Variants in ATXN1 observed in about 807,000 individuals in gnomAD.
ATXN1 encodes the protein ataxin 1.
ATXN1 carries 8 observed loss-of-function variants against 56.4 expected under a neutral mutation model. That is an observed-to-expected ratio of 0.14 (90% CI 0.08 to 0.26). ATXN1 has a LOEUF of 0.26. Among genes scored for constraint, ATXN1 ranks in the 10% least tolerant of loss-of-function variants. ATXN1 has a pLI of 1.00. For synonymous variants in ATXN1, 514 were observed against 494.6 expected, an observed-to-expected ratio of 1.04 and a Z score of -0.52; for missense variants, 987 against 1,106.5, an observed-to-expected ratio of 0.89 and a Z score of 1.53.
At chr6:16,602,466 T>G (rs1364058511) in intron 3 of ATXN1, among the ~76,000 whole-genome samples, 1 of 152,084 alleles carries the variant, frequency 6.6e-6, no homozygotes, top group Non-Finnish European at 1.5e-5. Flanking sequence ...TTTTTTTTTT[T>G]TTTTAGATGG....
intron 6 of ATXN1, among the ~76,000 whole-genome samples, chr6:16,462,257 C>G (rs1316029915): frequency 6.6e-6 from 1 of 152,026 alleles, no homozygotes; most frequent in Admixed American, 6.6e-5. Flanking sequence ...TCACTACATG[C>G]GAGTTAAACT....
At chr6:16,350,668 T>A (rs1337596006) in intron 6 of ATXN1, among the ~76,000 whole-genome samples, 1 of 152,248 alleles carries the variant, frequency 6.6e-6, no homozygotes, top group Non-Finnish European at 1.5e-5. Flanking sequence ...GGTCTGCCCT[T>A]TGCCCTTGGC....
rs146042983 is a variant in ATXN1, at chr6:16,599,268, C to T, written c.-488-13361G>A. 2.6e-3 allele frequency among the ~76,000 whole-genome samples: 392 copies of T among 152,302 alleles called. 2 individuals carry two copies. The highest frequency in any genetic ancestry group is 9.0e-3 in the African/African-American group (372 of 41,562). On this transcript the variant is annotated intron_variant, in intron 3 of 7. Transcript: ENST00000436367. ...AAATGTCACCACTCACTCAGGTGAA[C>T]AGGCCACAGAGGACTAAAAGTGCTG... is the stretch of plus-strand genomic sequence containing the variant.
chr6:16,382,231 C>T (rs1379062654), intron 6 of ATXN1, among the ~76,000 whole-genome samples: 4 of 151,210 alleles, frequency 2.6e-5, no homozygotes, highest in Admixed American at 6.6e-5. Flanking sequence ...ACCTGGGAGG[C>T]GGAGCTTGCA....
chr6:16,733,422 G>C (rs994718801), intron 2 of ATXN1, among the ~76,000 whole-genome samples: 1 of 152,260 alleles, frequency 6.6e-6, no homozygotes, highest in Admixed American at 6.5e-5. Flanking sequence ...AATTAGTTGG[G>C]TGTGGTGGTG....
At chr6:16,557,071 T>C (rs1177004038) in intron 4 of ATXN1, among the ~76,000 whole-genome samples, 1 of 152,118 alleles carries the variant, frequency 6.6e-6, no homozygotes, top group East Asian at 1.9e-4. Flanking sequence ...GGCCTATTAT[T>C]CCAGCACTTT....
chr6:16,631,672 TC>T (rs1763505685), intron 3 of ATXN1, among the ~76,000 whole-genome samples: 1 of 152,170 alleles, frequency 6.6e-6, no homozygotes, highest in African/African-American at 2.4e-5. Flanking sequence ...CTTCTTTAGT[TC>T]TAATTATTAA....
chr6:16,747,929 C>A (rs1272937568), intron 2 of ATXN1, among the ~76,000 whole-genome samples: 2 of 152,152 alleles, frequency 1.3e-5, no homozygotes, highest in African/African-American at 4.8e-5. Flanking sequence ...TTAGAGCTTG[C>A]GTTCAGCGCC....
At position 16,731,460 on chromosome 6, in the gene ATXN1, T is replaced by C. The variant is rs929729123; in HGVS notation, c.-615+21773A>G. Among the ~76,000 whole-genome samples, 203 of 97,166 alleles carry C rather than the reference T, an allele frequency of 2.1e-3. 1 individual carries two copies. The highest frequency in any genetic ancestry group is 2.7e-3 in the Non-Finnish European group (145 of 53,574). The allele number at this position is 97,166 out of a possible 152,430, so 63.7% of individuals were successfully genotyped here. A position where few individuals can be genotyped will look rare whatever the true frequency, so the allele number is the denominator to read the frequency against. ...GAGGCTTTTTTTTTCTTTTCTTTTT[T>C]TTTTTTTTTTTTTTTTTTTTTTTAA... On this transcript the variant is annotated intron_variant, in intron 2 of 7. Coordinates refer to ENST00000436367, the MANE Select transcript of ATXN1 (RefSeq NM_001128164.2).
chr6:16,650,747 C>T (rs964914863), intron 3 of ATXN1, among the ~76,000 whole-genome samples: 8 of 152,166 alleles, frequency 5.3e-5, no homozygotes, highest in Non-Finnish European at 1.0e-4. Context: ...CGTTCAAACC[C>T]TGTTCAAATA....
chr6:16,718,708 T>A (rs1759687080), intron 2 of ATXN1, among the ~76,000 whole-genome samples: 1 of 152,234 alleles, frequency 6.6e-6, no homozygotes, highest in Admixed American at 6.5e-5. Context: ...ACACTGTGAT[T>A]TTAGTGAGAA....
At chr6:16,645,595 C>G (rs1763787001) in intron 3 of ATXN1, among the ~76,000 whole-genome samples, 2 of 152,118 alleles carry the variant, frequency 1.3e-5, no homozygotes. Context: ...GATTGAATCC[C>G]AGCTTTACCA....
At chr6:16,440,802 T>C (rs1709172) in intron 6 of ATXN1, among the ~76,000 whole-genome samples, 103,257 of 151,836 alleles carry the variant, frequency 0.68, 35,931 homozygotes, top group African/African-American at 0.82. Flanking sequence ...AACAGAGAAA[T>C]TGGAATTACA....
rs1164479505 is a variant in ATXN1 at position 16,486,050 on chromosome 6, C to T, written c.-239G>A. 1 of 152,162 alleles carries T rather than the reference C, an allele frequency of 6.6e-6. No homozygotes were observed. The highest frequency in any genetic ancestry group is 1.5e-5 in the Non-Finnish European group (1 of 68,040). The allele number at this position is 152,162 out of a possible 1,614,324, so 9.4% of individuals were successfully genotyped here. A position where few individuals can be genotyped will look rare whatever the true frequency, so the allele number is the denominator to read the frequency against. ...GACTTCCCACAGGCTCTGGAGGGCT[C>T]CTGAGGGCTCTTGGGCTCAGGCGTG... On this transcript the variant is annotated 5_prime_UTR_variant, in exon 6 of 8. Transcript: ENST00000436367.
chr6:16,305,717 T>C lies in ATXN1; in HGVS notation c.*612A>G, dbSNP rs1452838709. 1 of 152,800 alleles carries C rather than the reference T, an allele frequency of 6.5e-6. No homozygotes were observed. The highest frequency in any genetic ancestry group is 2.4e-5 in the African/African-American group (1 of 41,470). 9.5% of individuals were successfully genotyped at this position (152,800 alleles called of 1,614,324 possible). On this transcript the variant is annotated 3_prime_UTR_variant, in exon 8 of 8. Coordinates refer to ENST00000436367, the MANE Select transcript of ATXN1 (RefSeq NM_001128164.2). Reference sequence around the variant, plus strand: ...AAAGTTGCTTTTATTGTAAAATATGTTGGAGAGAAAAATGTTCTTTTAAAT... The same window carrying C: ...AAAGTTGCTTTTATTGTAAAATATGCTGGAGAGAAAAATGTTCTTTTAAAT...
At chr6:16,453,306 A>G (rs1212131102) in intron 6 of ATXN1, among the ~76,000 whole-genome samples, 4 of 152,012 alleles carry the variant, frequency 2.6e-5, no homozygotes, top group Non-Finnish European at 5.9e-5. Flanking sequence ...TAAAAATACA[A>G]AAAAATTAGC....
At chr6:16,491,185 C>T (rs1446391473) in intron 5 of ATXN1, among the ~76,000 whole-genome samples, 1 of 146,456 alleles carries the variant, frequency 6.8e-6, no homozygotes, top group Non-Finnish European at 1.5e-5. Context: ...CCTCTGACTC[C>T]GAGTTCAAGC....
intron 7 of ATXN1, among the ~76,000 whole-genome samples, chr6:16,316,865 C>CTTTTTTTTTTTTTTTTTTTTTTTTTT (rs375359789): frequency 9.0e-5 from 9 of 99,460 alleles, no homozygotes; most frequent in South Asian, 4.3e-4. Flanking sequence ...GACTGCCTGT[C>CTTTTTTTTTTTTTTTTTTTTTTTTTT]TTTTTTTTTT....
intron 6 of ATXN1, among the ~76,000 whole-genome samples, chr6:16,387,459 A>G (rs1037005563): frequency 2.6e-5 from 4 of 152,234 alleles, no homozygotes; most frequent in African/African-American, 9.6e-5. Flanking sequence ...ACTTGGGTAC[A>G]GAAGTCAAAC....
Sources: gnomAD v4.1 joint callset for allele counts (sites outside exome capture counted in the v4.1 genomes callset) on GRCh38, gnomAD v4.1.1 for gene constraint, MANE v1.5 for transcripts, NCBI Gene and HGNC (gene_info 2026-07-23, HGNC 2026-07-21) for gene names.